Variants in DTNA observed in about 807,000 individuals in gnomAD.
DTNA encodes the protein dystrobrevin alpha.
DTNA carries 43 observed loss-of-function variants against 100.7 expected under a neutral mutation model. The ratio of observed to expected loss-of-function variants is 0.43; its 90% confidence interval spans 0.33 to 0.55. The LOEUF is 0.55. DTNA is among the 20% of genes least tolerant of loss of function. The pLI is 0.04. For synonymous variants in DTNA, 349 were observed against 347.9 expected (o/e 1.00, Z -0.04); for missense variants, 798 against 953.9 (o/e 0.84, Z 2.15).
chr18:34,671,227 G>A (rs1024051995), intron 1 of DTNA, among the ~76,000 whole-genome samples: 5 of 152,198 alleles, frequency 3.3e-5, no homozygotes, highest in Non-Finnish European at 4.4e-5. Flanking sequence ...GACCCTCCGA[G>A]CCATGCGCAG....
In DTNA at chr18:34,802,839, A is replaced by T. The variant is rs568497600; in HGVS notation, c.363-3380A>T. ...TTTTCATCACAAATTTTTTTCAACC[A>T]TTATTTCCTACTCACAATACAACTG... On this transcript the variant is annotated intron_variant, in intron 4 of 22. Coordinates refer to ENST00000444659, the MANE Select transcript of DTNA (RefSeq NM_001386795.1). 1.1e-4 allele frequency among the ~76,000 whole-genome samples: 17 copies of T among 152,294 alleles called. No homozygotes were observed. The South Asian group carries it at 3.3e-3, about 30-fold the overall frequency.
chr18:34,741,579 A>G (rs1249458826), intron 1 of DTNA, among the ~76,000 whole-genome samples: 1 of 152,146 alleles, frequency 6.6e-6, no homozygotes, highest in Admixed American at 6.5e-5. Flanking sequence ...TTCATCACCA[A>G]TCCTTTGGAG....
intron 17 of DTNA, chr18:34,866,257 T>C: frequency 1.3e-6 from 2 of 1,585,864 alleles, no homozygotes; most frequent in Non-Finnish European, 1.7e-6. Context: ...AAAGTCATAC[T>C]AATTTGCTTC....
At position 34,728,522 on chromosome 18, in the gene DTNA, T is replaced by C. The variant is rs367719728; in HGVS notation, c.-2+18077T>C. On this transcript the variant is annotated intron_variant, in intron 1 of 22. Transcript: ENST00000444659. ...CTGTTGAGGGCTTTATATATTTCCT[T>C]CCAGTACTTTTTTCAAAGAATATTA... is the stretch of plus-strand genomic sequence containing the variant. Among the ~76,000 whole-genome samples, 3 of 152,276 alleles carry C rather than the reference T, an allele frequency of 2.0e-5. No homozygotes were observed. In the East Asian group the frequency reaches 5.8e-4, roughly 29 times the overall value.
At chr18:34,698,766 G>A (rs943554714) in intron 1 of DTNA, among the ~76,000 whole-genome samples, 2 of 152,134 alleles carry the variant, frequency 1.3e-5, no homozygotes, top group African/African-American at 4.8e-5. Context: ...GACTAAAACA[G>A]TCTAATCTTT....
intron 1 of DTNA, among the ~76,000 whole-genome samples, chr18:34,611,687 AG>A (rs937854073): frequency 1.2e-4 from 18 of 152,170 alleles, no homozygotes; most frequent in Admixed American, 3.3e-4. Context: ...TGGGCTCAGG[AG>A]TCAGGAATCA....
At chr18:34,761,731 T>C (rs1423575640) in intron 2 of DTNA, among the ~76,000 whole-genome samples, 1 of 152,226 alleles carries the variant, frequency 6.6e-6, no homozygotes, top group Non-Finnish European at 1.5e-5. Flanking sequence ...TTTTTTATTA[T>C]GAAAAGTTTC....
intron 1 of DTNA, among the ~76,000 whole-genome samples, chr18:34,693,190 T>C (rs1044994095): frequency 2.0e-5 from 3 of 152,192 alleles, no homozygotes; most frequent in South Asian, 2.1e-4. Context: ...TTTAAACATA[T>C]ATTGCACATC....
At chr18:34,808,780 C>G (rs2095423633) in intron 5 of DTNA, among the ~76,000 whole-genome samples, 1 of 152,206 alleles carries the variant, frequency 6.6e-6, no homozygotes, top group African/African-American at 2.4e-5. Flanking sequence ...AAAGTCTATC[C>G]TCTTTAGGGC....
At chr18:34,536,465 C>T (rs575222672) in intron 1 of DTNA, among the ~76,000 whole-genome samples, 1 of 151,932 alleles carries the variant, frequency 6.6e-6, no homozygotes, top group South Asian at 2.1e-4. Flanking sequence ...CCAGTCTGAT[C>T]TGGGAAAAGT....
intron 1 of DTNA, among the ~76,000 whole-genome samples, chr18:34,640,465 T>A (rs2148340312): frequency 6.6e-6 from 1 of 152,340 alleles, no homozygotes; most frequent in East Asian, 1.9e-4. Context: ...TTATAGGAAC[T>A]GCATTGTCAG....
intron 1 of DTNA, among the ~76,000 whole-genome samples, chr18:34,687,029 C>G (rs901132634): frequency 1.3e-5 from 2 of 152,012 alleles, no homozygotes; most frequent in Admixed American, 1.3e-4. Context: ...TGATTCTTCT[C>G]TCTTTTCCTC....
Position 34,796,559 on chromosome 18 carries a change from C to T in DTNA, c.362+2309C>T, listed in dbSNP as rs2094978983. ...TGTTGCTATTACAGAATCACTGAAA[C>T]ATTTAGGAGATTTTTCTCCCATTTG... On this transcript the variant is annotated intron_variant, in intron 4 of 22. Coordinates refer to ENST00000444659, the MANE Select transcript of DTNA (RefSeq NM_001386795.1). Among the ~76,000 whole-genome samples the T allele has an allele frequency of 3.3e-5, 5 of 152,090 alleles. No individual in the cohort carries two copies. In the South Asian group the frequency reaches 1.0e-3, roughly 31 times the overall value.
intron 1 of DTNA, among the ~76,000 whole-genome samples, chr18:34,744,379 C>G (rs1254250805): frequency 6.6e-6 from 1 of 152,160 alleles, no homozygotes; most frequent in African/African-American, 2.4e-5. Flanking sequence ...TGGATTCACA[C>G]ATCATGGATA....
chr18:34,719,009 C>G (rs1243679522), intron 1 of DTNA, among the ~76,000 whole-genome samples: 1 of 151,824 alleles, frequency 6.6e-6, no homozygotes, highest in African/African-American at 2.4e-5. Context: ...GGAGAACAGT[C>G]ATAGAACATG....
intron 1 of DTNA, among the ~76,000 whole-genome samples, chr18:34,643,939 C>T (rs2059564032): frequency 6.6e-6 from 1 of 152,040 alleles, no homozygotes; most frequent in African/African-American, 2.4e-5. Context: ...CCGGCTAGAA[C>T]AAAACTGTAT....
chr18:34,769,016 A>G (rs1215494803), intron 3 of DTNA, among the ~76,000 whole-genome samples: 5 of 152,184 alleles, frequency 3.3e-5, no homozygotes, highest in Admixed American at 3.3e-4. Flanking sequence ...TTTATTTTAT[A>G]ATGTACCTTA....
At chr18:34,877,949 G>A in intron 19 of DTNA, 141 bp downstream of exon 19, 2 of 813,200 alleles carry the variant, frequency 2.5e-6, no homozygotes, top group East Asian at 2.8e-5. Flanking sequence ...GGTCTATTCA[G>A]ATTTGAGGGG....
chr18:34,690,457 G>T (rs940846490), intron 1 of DTNA, among the ~76,000 whole-genome samples: 1 of 152,142 alleles, frequency 6.6e-6, no homozygotes, highest in African/African-American at 2.4e-5. Context: ...CCCTCTGTGG[G>T]CTATACCCAC....
Sources: allele counts gnomAD v4.1 joint callset (sites outside exome capture counted in the v4.1 genomes callset), GRCh38; gene constraint gnomAD v4.1.1; transcripts MANE v1.5; gene names NCBI Gene and HGNC (gene_info 2026-07-23, HGNC 2026-07-21).